LRRTM4: variants seen among roughly 807,000 people sequenced by gnomAD.
The protein encoded by LRRTM4 is leucine-rich repeat transmembrane neuronal protein 4.
Under a neutral mutation model 47.6 loss-of-function variants are expected in LRRTM4, and 25 were observed. That is an observed-to-expected ratio of 0.53 (90% confidence interval 0.38 to 0.73). The LOEUF (loss-of-function observed/expected upper bound fraction) is 0.73, where lower values mean the gene tolerates loss of function less well. Among genes scored for constraint, LRRTM4 ranks in the 30% least tolerant of loss-of-function variants. The probability of loss-of-function intolerance (pLI) is 0.00; values close to 1 mark genes in which losing one functional copy is unlikely to be tolerated. For synonymous variants in LRRTM4, 311 were observed against 269.5 expected (o/e 1.15, Z -1.51); for missense variants, 638 against 713.4 (o/e 0.89, Z 1.20).
At chr2:77,069,017 C>G (rs931920812) in intron 3 of LRRTM4, among the ~76,000 whole-genome samples, 4 of 152,172 alleles carry the variant, frequency 2.6e-5, no homozygotes, top group Non-Finnish European at 4.4e-5. Flanking sequence ...CCCATCCCTT[C>G]GTTTCCCATA....
chr2:77,046,659 A>G (rs1679246162), intron 3 of LRRTM4, among the ~76,000 whole-genome samples: 1 of 151,982 alleles, frequency 6.6e-6, no homozygotes, highest in Non-Finnish European at 1.5e-5. Context: ...TGCCTCATTC[A>G]CACTATGAGA....
At chr2:77,042,672 GAT>G (rs1679077159) in intron 3 of LRRTM4, among the ~76,000 whole-genome samples, 1 of 135,696 alleles carries the variant, frequency 7.4e-6, no homozygotes, top group African/African-American at 3.4e-5. Context: ...TTCTTATGAT[GAT>G]AAGTAAATTA....
Position 77,519,436 on chromosome 2 carries a change from G to C in LRRTM4, c.433C>G (p.Leu145Val). 6.2e-7 allele frequency: 1 copy of C among 1,613,490 alleles called. No individual in the cohort carries two copies. The highest frequency in any genetic ancestry group is 8.5e-7 in the Non-Finnish European group (1 of 1,179,640). Reference protein sequence around the residue: ...LRNLDLSYNKLQTLQSEQFKG... With the variant: ...LRNLDLSYNKVQTLQSEQFKG... ...AATTGTTCAGATTGCAATGTCTGAA[G>C]CTTATTGTAGGAGAGGTCCAGATTG... The change falls in exon 3 of 4, where the codon CTT (leucine) becomes GTT (valine). Residue 145 changes from leucine (L) to valine (V), a missense_variant. By Grantham distance (32) the Leu-to-Val change is conservative (BLOSUM62 1). Coordinates refer to ENST00000409884, the MANE Select transcript of LRRTM4 (RefSeq NM_001134745.3). The surrounding 1 kb of genome is among the most constrained non-coding windows in gnomAD (Gnocchi z 4.6).
chr2:76,999,150 G>A (rs1838881), intron 3 of LRRTM4, among the ~76,000 whole-genome samples: 1 of 151,578 alleles, frequency 6.6e-6, no homozygotes, highest in Non-Finnish European at 1.5e-5. Flanking sequence ...AAGCAGCACT[G>A]AAATTGATTA....
At position 76,748,352 on chromosome 2, in the gene LRRTM4, G is replaced by T. The variant is rs1672717840; in HGVS notation, c.*343C>A. 8.5e-6 allele frequency: 2 copies of T among 235,794 alleles called. No individual in the cohort carries two copies. Among genetic ancestry groups the T allele is most frequent in the Non-Finnish European group, 8.4e-6 (1 of 118,814 alleles). The allele number at this position is 235,794 out of a possible 1,614,324, so 14.6% of individuals were successfully genotyped here. A position where few individuals can be genotyped will look rare whatever the true frequency, so the allele number is the denominator to read the frequency against. ...TGTGGTTCTCCAGCCCAGGAACCAT[G>T]CAGTGTAGAAAAATCAAATATACAA... is the stretch of plus-strand genomic sequence containing the variant. On this transcript the variant is annotated 3_prime_UTR_variant, in exon 4 of 4. Coordinates refer to ENST00000409884, the MANE Select transcript of LRRTM4 (RefSeq NM_001134745.3).
At chr2:77,433,549 G>T (rs967874328) in intron 3 of LRRTM4, among the ~76,000 whole-genome samples, 1 of 152,130 alleles carries the variant, frequency 6.6e-6, no homozygotes, top group Non-Finnish European at 1.5e-5. Flanking sequence ...TGCTTATTAT[G>T]AAGTAGAGTG....
intron 3 of LRRTM4, among the ~76,000 whole-genome samples, chr2:77,422,231 G>A (rs1234708423): frequency 6.6e-6 from 1 of 152,188 alleles, no homozygotes; most frequent in Admixed American, 6.5e-5. Flanking sequence ...AAGTATTCCA[G>A]CTAATGAAAG....
chr2:76,806,732 TGATAA>T (rs1196420146), intron 3 of LRRTM4, among the ~76,000 whole-genome samples: 2 of 152,104 alleles, frequency 1.3e-5, no homozygotes, highest in African/African-American at 4.8e-5. Flanking sequence ...TTTAGAATGG[TGATAA>T]GATATTGTAA....
At chr2:77,251,086 A>G (rs1169334139) in intron 3 of LRRTM4, among the ~76,000 whole-genome samples, 1 of 151,336 alleles carries the variant, frequency 6.6e-6, no homozygotes, top group East Asian at 2.0e-4. Flanking sequence ...CTGGGCAACA[A>G]GAGCAAAACT....
chr2:77,115,365 A>G (rs1407591860), intron 3 of LRRTM4, among the ~76,000 whole-genome samples: 1 of 152,180 alleles, frequency 6.6e-6, no homozygotes, highest in Non-Finnish European at 1.5e-5. Flanking sequence ...ATTAGATTTC[A>G]TATTGTTCGA....
At position 77,446,156 on chromosome 2, in the gene LRRTM4, C is replaced by T. The variant is rs370551763; in HGVS notation, c.1551+72162G>A. 2.0e-5 allele frequency among the ~76,000 whole-genome samples: 3 copies of T among 151,960 alleles called. No homozygotes were observed. In the East Asian group the frequency reaches 5.8e-4, roughly 29 times the overall value. On this transcript the variant is annotated intron_variant, in intron 3 of 3. Transcript: ENST00000409884. ...AATATTTGACTCAACATGTAATAGG[C>T]AATCTGTTTATTTTAGTAAATAAAA...
chr2:77,220,288 A>G (rs549785406), intron 3 of LRRTM4, among the ~76,000 whole-genome samples: 2 of 152,302 alleles, frequency 1.3e-5, no homozygotes, highest in South Asian at 4.1e-4. Context: ...AAACTCTAAA[A>G]ATCAGAGCAC....
rs563332458 is a variant in LRRTM4, at chr2:77,226,733, C to A, written c.1551+291585G>T. Among the ~76,000 whole-genome samples the A allele has an allele frequency of 6.5e-4, 98 of 151,184 alleles. 1 individual carries two copies. Among genetic ancestry groups the A allele is most frequent in the Non-Finnish European group, 4.7e-4 (32 of 67,626 alleles). The stretch of plus-strand genomic sequence containing the variant: ...TTTGTTCTCAAGTCCAACAGACATC[C>A]TATAAACCTCTTTTTGACATACATT... On this transcript the variant is annotated intron_variant, in intron 3 of 3. Transcript: ENST00000409884.
At chr2:77,472,016 G>A (rs1198724023) in intron 3 of LRRTM4, among the ~76,000 whole-genome samples, 1 of 152,060 alleles carries the variant, frequency 6.6e-6, no homozygotes, top group African/African-American at 2.4e-5. Flanking sequence ...TCACCTTCGG[G>A]GCACCAGCTG....
At chr2:77,416,881 A>G (rs1446981967) in intron 3 of LRRTM4, among the ~76,000 whole-genome samples, 1 of 152,126 alleles carries the variant, frequency 6.6e-6, no homozygotes, top group South Asian at 2.1e-4. Flanking sequence ...ACAAAAGCCA[A>G]AATTGACAAA....
chr2:77,365,175 T>C (rs1432694144), intron 3 of LRRTM4, among the ~76,000 whole-genome samples: 4 of 152,030 alleles, frequency 2.6e-5, no homozygotes, highest in Admixed American at 6.6e-5. Flanking sequence ...CACATAAAAA[T>C]AGCCTTAAGT....
intron 3 of LRRTM4, among the ~76,000 whole-genome samples, chr2:77,226,915 G>A (rs892523570): frequency 1.3e-5 from 2 of 152,014 alleles, no homozygotes; most frequent in African/African-American, 4.8e-5. Context: ...GAACTGAGTC[G>A]CCCAATTCAA....
intron 3 of LRRTM4, among the ~76,000 whole-genome samples, chr2:76,784,249 A>G (rs373147769): frequency 1.3e-5 from 2 of 152,024 alleles, no homozygotes; most frequent in East Asian, 3.8e-4. Flanking sequence ...ATTCAGATAA[A>G]TAAATCATAG....
chr2:76,793,212 T>G (rs932140872), intron 3 of LRRTM4, among the ~76,000 whole-genome samples: 1 of 152,168 alleles, frequency 6.6e-6, no homozygotes, highest in Non-Finnish European at 1.5e-5. Flanking sequence ...CAGAAAACAC[T>G]CATCTCTTGG....
Sources: allele counts gnomAD v4.1 joint callset (sites outside exome capture counted in the v4.1 genomes callset), GRCh38; gene constraint gnomAD v4.1.1; non-coding constraint Gnocchi (gnomAD v3.1); transcripts MANE v1.5; gene names NCBI Gene and HGNC (gene_info 2026-07-23, HGNC 2026-07-21).